Variants in USP15 observed in about 807,000 individuals in gnomAD.
The protein encoded by USP15 is ubiquitin carboxyl-terminal hydrolase 15.
Under a neutral mutation model 127.1 loss-of-function variants are expected in USP15, and 18 were observed. The observed-to-expected ratio is 0.14, with a 90% confidence interval of 0.10 to 0.21. The LOEUF is 0.21. Ranked by LOEUF, USP15 falls within the 10% of genes least tolerant of loss-of-function variation. The pLI, the probability that USP15 is intolerant of heterozygous loss-of-function variation, is 1.00. For synonymous variants in USP15, 364 were observed against 393.7 expected (o/e 0.92, Z 0.89); for missense variants, 805 against 1,159.9 (o/e 0.69, Z 4.44).
intron 3 of USP15, among the ~76,000 whole-genome samples, chr12:62,310,241 C>G (rs899386054): frequency 4.0e-5 from 6 of 151,818 alleles, no homozygotes; most frequent in African/African-American, 1.4e-4. Flanking sequence ...GTAATGAAGT[C>G]AGGGTATTTT....
chr12:62,332,989 A>G (rs975175518), intron 6 of USP15, among the ~76,000 whole-genome samples: 1 of 152,200 alleles, frequency 6.6e-6, no homozygotes, highest in Non-Finnish European at 1.5e-5. Context: ...ATTCTGCAAT[A>G]TTCTGTTTTT....
chr12:62,362,793 A>G (rs956187439), intron 8 of USP15, among the ~76,000 whole-genome samples: 2 of 152,208 alleles, frequency 1.3e-5, no homozygotes, highest in African/African-American at 4.8e-5. Context: ...ATATTAAATC[A>G]ATCATGAATT....
chr12:62,390,109 A>G lies in USP15; in HGVS notation c.1844+121A>G, dbSNP rs536365276. 3.2e-4 allele frequency: 344 copies of G among 1,067,320 alleles called. 1 individual carries two copies. The highest frequency in any genetic ancestry group is 3.9e-4 in the Non-Finnish European group (309 of 796,008). 66.1% of individuals were successfully genotyped at this position (1,067,320 alleles called of 1,614,324 possible). Reference sequence around the variant, plus strand: ...AATTATTCAAGTCTGTATTATCTCAATTTTGTTCATAGTCAGATTATAGTC... The same window carrying G: ...AATTATTCAAGTCTGTATTATCTCAGTTTTGTTCATAGTCAGATTATAGTC... On this transcript the variant is annotated intron_variant, in intron 14 of 21. Transcript: ENST00000280377.
intron 8 of USP15, among the ~76,000 whole-genome samples, chr12:62,362,575 G>A (rs939756912): frequency 1.3e-5 from 2 of 152,074 alleles, no homozygotes; most frequent in African/African-American, 4.8e-5. Context: ...AAGTTATTCA[G>A]AGCACTATTT....
At chr12:62,306,468 A>G (rs953578773) in intron 3 of USP15, among the ~76,000 whole-genome samples, 3 of 152,148 alleles carry the variant, frequency 2.0e-5, no homozygotes, top group South Asian at 2.1e-4. Context: ...AAGTGAGGAA[A>G]GTCTTACTGG....
chr12:62,344,005 T>G (rs547540044), intron 6 of USP15, among the ~76,000 whole-genome samples: 7 of 151,920 alleles, frequency 4.6e-5, no homozygotes, highest in Non-Finnish European at 7.4e-5. Flanking sequence ...AAGATGAGAT[T>G]TGGGTGGGGA....
At chr12:62,298,650 C>G (rs1246077937) in intron 2 of USP15, among the ~76,000 whole-genome samples, 8 of 151,658 alleles carry the variant, frequency 5.3e-5, no homozygotes, top group Admixed American at 3.9e-4. Context: ...GGCGACAGAG[C>G]AAGACTCCAT....
intron 7 of USP15, among the ~76,000 whole-genome samples, chr12:62,351,376 C>A (rs1177531080): frequency 6.7e-6 from 1 of 149,980 alleles, no homozygotes; most frequent in Non-Finnish European, 1.5e-5. Context: ...GTCATTTTTT[C>A]ATACTAGATA....
At chr12:62,346,957 C>T (rs927597890) in intron 6 of USP15, among the ~76,000 whole-genome samples, 3 of 152,018 alleles carry the variant, frequency 2.0e-5, no homozygotes, top group Non-Finnish European at 4.4e-5. Flanking sequence ...TCTAATTGTA[C>T]GTCATTTTTA....
rs189194846 is a variant in USP15, at chr12:62,391,338, C to T, written c.2142C>T (p.Phe714=). 5 of 1,613,426 alleles carry T rather than the reference C, an allele frequency of 3.1e-6. No individual in the cohort carries two copies. The highest frequency in any genetic ancestry group is 1.7e-6 in the Non-Finnish European group (2 of 1,179,644). Residue 714 remains phenylalanine, a synonymous_variant, in exon 16 of 22, where the codon TTC becomes TTT. Transcript: ENST00000280377. The part of the protein sequence containing the change: ...LTGHKKRLFT[F]QFNNLGNTDI... Reference sequence around the variant, plus strand: ...GACACAAAAAACGATTGTTTACATTCCAGTTCAACAACTTAGGCAATACTG... The same window carrying T: ...GACACAAAAAACGATTGTTTACATTTCAGTTCAACAACTTAGGCAATACTG...
At chr12:62,288,923 G>A (rs1272462531) in intron 1 of USP15, among the ~76,000 whole-genome samples, 1 of 151,968 alleles carries the variant, frequency 6.6e-6, no homozygotes, top group Admixed American at 6.6e-5. Context: ...CTTCCTTTGC[G>A]TGCCTGGAGT....
chr12:62,384,456 G>A (rs186121460), intron 11 of USP15, among the ~76,000 whole-genome samples, 154 bp downstream of exon 11: 2 of 149,554 alleles, frequency 1.3e-5, no homozygotes, highest in Admixed American at 1.4e-4. Context: ...GATTTTATAA[G>A]CTGAATACTT....
In USP15 at chr12:62,414,946, C is replaced by G. The variant is rs978850505; in HGVS notation, c.*10571C>G. 2 of 135,922 alleles carry G rather than the reference C, an allele frequency of 1.5e-5. No homozygotes were observed. The highest frequency in any genetic ancestry group is 3.2e-5 in the Non-Finnish European group (2 of 62,876). The allele number at this position is 135,922 out of a possible 1,614,324, so 8.4% of individuals were successfully genotyped here. On this transcript the variant is annotated 3_prime_UTR_variant, in exon 22 of 22. Coordinates refer to ENST00000280377, the MANE Select transcript of USP15 (RefSeq NM_001252078.2). ...TGTGTATACACATATATGTATAGCT[C>G]TCTCCCTCATATATACACATATCAT...
Position 62,260,429 on chromosome 12 carries a change from A to G in USP15, c.15A>G (p.Gly5=), listed in dbSNP as rs766590373. 1.9e-5 allele frequency: 30 copies of G among 1,551,354 alleles called. No homozygotes were observed. The Middle Eastern group carries it at 6.0e-4, about 31-fold the overall frequency. MAEG[G]AADLDTQRSD... ...AGTGGAAGAAGATGGCGGAAGGCGGAGCGGCGGATCTGGACACCCAGCGGT... is the reference window on the plus strand; with the variant it reads ...AGTGGAAGAAGATGGCGGAAGGCGGGGCGGCGGATCTGGACACCCAGCGGT... Residue 5 remains glycine, a synonymous_variant, in exon 1 of 22, where the codon GGA becomes GGG. Transcript: ENST00000280377.
intron 21 of USP15, 60 bp from the exon 22 acceptor site, chr12:62,404,133 T>C: frequency 7.2e-7 from 1 of 1,386,670 alleles, no homozygotes; most frequent in African/African-American, 1.5e-5. Flanking sequence ...TAAAAATTCA[T>C]AATGTATTTA....
intron 7 of USP15, 100 bp from the exon 8 acceptor site, chr12:62,355,231 A>C: frequency 9.3e-7 from 1 of 1,074,320 alleles, no homozygotes; most frequent in Non-Finnish European, 1.3e-6. Context: ...AAAGAAATGT[A>C]ATGATCAACC....
chr12:62,370,036 G>T (rs147877681), intron 8 of USP15, among the ~76,000 whole-genome samples: 2 of 152,036 alleles, frequency 1.3e-5, no homozygotes, highest in Non-Finnish European at 2.9e-5. Context: ...GTGCAGTAGC[G>T]CAATCTCAGC....
chr12:62,390,184 A>G (rs2067277125), intron 14 of USP15, among the ~76,000 whole-genome samples, 196 bp downstream of exon 14: 1 of 152,144 alleles, frequency 6.6e-6, no homozygotes, highest in Non-Finnish European at 1.5e-5. Flanking sequence ...GTAATTTCAA[A>G]CCCAGGAAGC....
chr12:62,292,986 G>C (rs1250442154), intron 1 of USP15, among the ~76,000 whole-genome samples: 2 of 152,172 alleles, frequency 1.3e-5, no homozygotes, highest in African/African-American at 4.8e-5. Context: ...AAAGTCCCCT[G>C]ATGGATATGC....
Sources: allele counts gnomAD v4.1 joint callset (sites outside exome capture counted in the v4.1 genomes callset), GRCh38; gene constraint gnomAD v4.1.1; transcripts MANE v1.5; gene names NCBI Gene and HGNC (gene_info 2026-07-23, HGNC 2026-07-21).